The following HDAC9 variants were observed in gnomAD, a reference collection of about 807,000 sequenced individuals.
HDAC9 encodes the protein histone deacetylase 9.
Under a neutral mutation model 139.4 loss-of-function variants are expected in HDAC9, and 41 were observed. The ratio of observed to expected loss-of-function variants is 0.29; its 90% confidence interval spans 0.23 to 0.38. The LOEUF (loss-of-function observed/expected upper bound fraction) is 0.38. HDAC9 is among the 10% of genes least tolerant of loss of function. The pLI is 1.00. For synonymous variants in HDAC9, 517 were observed against 476.2 expected (o/e 1.09, Z -1.12); for missense variants, 1,147 against 1,297.0 (o/e 0.88, Z 1.78).
intron 1 of HDAC9, among the ~76,000 whole-genome samples, chr7:18,467,864 A>T (rs987712596): frequency 6.6e-6 from 1 of 152,092 alleles, no homozygotes; most frequent in Admixed American, 6.6e-5. Context: ...CATCATATAT[A>T]TCCTTGCCTT....
At chr7:18,863,691 T>A (rs1798276840) in intron 21 of HDAC9, among the ~76,000 whole-genome samples, 1 of 151,514 alleles carries the variant, frequency 6.6e-6, no homozygotes, top group South Asian at 2.1e-4. Context: ...TATAAGTAAA[T>A]CATGTATGAC....
intron 21 of HDAC9, among the ~76,000 whole-genome samples, chr7:18,869,489 T>C (rs1341162480): frequency 6.6e-6 from 1 of 152,104 alleles, no homozygotes; most frequent in Non-Finnish European, 1.5e-5. Context: ...GCATCATGCT[T>C]CCTGTACAGC....
At chr7:18,671,682 C>T (rs985756456) in intron 12 of HDAC9, among the ~76,000 whole-genome samples, 1 of 151,854 alleles carries the variant, frequency 6.6e-6, no homozygotes, top group African/African-American at 2.4e-5. Context: ...TCCATTAACC[C>T]CAACTCAAAA....
intron 2 of HDAC9, among the ~76,000 whole-genome samples, chr7:18,584,183 C>G (rs1466570215): frequency 7.2e-6 from 1 of 138,160 alleles, no homozygotes; most frequent in African/African-American, 2.7e-5. Flanking sequence ...CTCTGTCACC[C>G]AGGCTGGAGT....
intron 1 of HDAC9, among the ~76,000 whole-genome samples, chr7:18,441,854 G>T (rs1791797107): frequency 6.6e-6 from 1 of 152,098 alleles, no homozygotes; most frequent in Admixed American, 6.6e-5. Flanking sequence ...TGCAAGCTCC[G>T]CCTCCCGGGT....
chr7:18,284,017 T>C (rs541144526), intron 2 of HDAC9, among the ~76,000 whole-genome samples: 65 of 152,316 alleles, frequency 4.3e-4, no homozygotes, highest in Middle Eastern at 3.4e-3. Context: ...CCCTGCCTCA[T>C]GTCACTTGTA....
At chr7:18,436,151 T>C (rs1367443641) in intron 1 of HDAC9, among the ~76,000 whole-genome samples, 1 of 152,018 alleles carries the variant, frequency 6.6e-6, no homozygotes, top group African/African-American at 2.4e-5. Flanking sequence ...GACTCCTGTG[T>C]ATTTTCTTTT....
chr7:18,489,666 G>T (rs557343444), intron 1 of HDAC9, among the ~76,000 whole-genome samples: 1 of 151,976 alleles, frequency 6.6e-6, no homozygotes, highest in East Asian at 1.9e-4. Flanking sequence ...TTCAGGGCTT[G>T]CACTGTGGCT....
rs538489092 is a variant in HDAC9 at position 18,752,504 on chromosome 7, T to G, written c.2043+3366T>G. Among the ~76,000 whole-genome samples, 6 of 152,160 alleles carry G rather than the reference T, an allele frequency of 3.9e-5. No homozygotes were observed. In the East Asian group the frequency reaches 1.2e-3, roughly 29 times the overall value. ...ATAGGCTAGAAGGGGCTATCAGAAG[T>G]TAAACTTTTGTTCCTTTGCCTAGTT... On this transcript the variant is annotated intron_variant, in intron 14 of 25. Coordinates refer to ENST00000686413, the MANE Select transcript of HDAC9 (RefSeq NM_178425.4).
chr7:18,416,750 T>C (rs910574895), intron 1 of HDAC9, among the ~76,000 whole-genome samples: 2 of 152,234 alleles, frequency 1.3e-5, no homozygotes, highest in African/African-American at 4.8e-5. Context: ...TAATGTCACC[T>C]TTGGATCTCC....
At chr7:18,183,029 A>G (rs1012375727) in intron 2 of HDAC9, among the ~76,000 whole-genome samples, 1 of 132,812 alleles carries the variant, frequency 7.5e-6, no homozygotes, top group Non-Finnish European at 1.6e-5. Flanking sequence ...TTTTTTTTTG[A>G]GACGGAGTCT....
At chr7:18,451,401 G>GTGTGTGTGTC (rs760861605) in intron 1 of HDAC9, among the ~76,000 whole-genome samples, 1 of 135,212 alleles carries the variant, frequency 7.4e-6, no homozygotes, top group Admixed American at 7.2e-5. Flanking sequence ...GTGTGTGTGT[G>GTGTGTGTGTC]TATATATGTG....
intron 1 of HDAC9, among the ~76,000 whole-genome samples, chr7:18,486,017 G>A (rs1795944823): frequency 6.6e-6 from 1 of 152,152 alleles, no homozygotes; most frequent in African/African-American, 2.4e-5. Context: ...CAAGAGCATG[G>A]TAAGGGCATC....
chr7:18,962,409 A>G (rs1370207411), intron 24 of HDAC9, among the ~76,000 whole-genome samples: 2 of 152,112 alleles, frequency 1.3e-5, no homozygotes, highest in Non-Finnish European at 2.9e-5. Flanking sequence ...ATTCTCTTCA[A>G]ATGTTCAAAG....
intron 2 of HDAC9, among the ~76,000 whole-genome samples, chr7:18,243,198 G>C (rs533861329): frequency 6.6e-6 from 1 of 152,136 alleles, no homozygotes; most frequent in East Asian, 1.9e-4. Context: ...ACACTAATTG[G>C]GAAAATATAC....
chr7:18,304,456 T>C (rs1009113229), intron 1 of HDAC9, among the ~76,000 whole-genome samples: 4 of 152,170 alleles, frequency 2.6e-5, no homozygotes, highest in Admixed American at 6.5e-5. Context: ...CTAATAGTAT[T>C]ATTAATTCTT....
chr7:18,278,742 G>A (rs1796908147), intron 2 of HDAC9, among the ~76,000 whole-genome samples: 1 of 151,996 alleles, frequency 6.6e-6, no homozygotes, highest in Non-Finnish European at 1.5e-5. Context: ...CAATGCCCCA[G>A]GACATTGTGA....
rs142833303 is a variant in HDAC9, at chr7:18,212,966, C to T, written c.25+50617C>T. Among the ~76,000 whole-genome samples the T allele has an allele frequency of 2.5e-3, 380 of 152,238 alleles. 3 individuals are homozygous for T. Among genetic ancestry groups the T allele is most frequent in the African/African-American group, 8.3e-3 (345 of 41,542 alleles). ...AACCAGCTGCAAGCTGTCTAGAAAACGCAAGTTATATGAGCCAGATGGCTT... is the reference window on the plus strand; with the variant it reads ...AACCAGCTGCAAGCTGTCTAGAAAATGCAAGTTATATGAGCCAGATGGCTT... On this transcript the variant is annotated intron_variant, in intron 2 of 12. Coordinates refer to the HDAC9 transcript ENST00000417496.
At chr7:18,314,052 GA>G (rs1660594859) in intron 1 of HDAC9, among the ~76,000 whole-genome samples, 1 of 152,140 alleles carries the variant, frequency 6.6e-6, no homozygotes, top group Non-Finnish European at 1.5e-5. Context: ...TTCCAAGCAA[GA>G]GATTATTCTT....
Sources: gnomAD v4.1 joint callset for allele counts (sites outside exome capture counted in the v4.1 genomes callset) on GRCh38, gnomAD v4.1.1 for gene constraint, MANE v1.5 for transcripts, NCBI Gene and HGNC (gene_info 2026-07-23, HGNC 2026-07-21) for gene names.